The following KIT variants were observed in gnomAD, a reference collection of about 807,000 sequenced individuals.
KIT encodes KIT proto-oncogene, receptor tyrosine kinase.
A neutral mutation model predicts 105.7 loss-of-function variants in KIT; 16 were observed. The ratio of observed to expected loss-of-function variants is 0.15; its 90% CI spans 0.10 to 0.23. The LOEUF (loss-of-function observed/expected upper bound fraction) is 0.23, where lower values mean the gene tolerates loss of function less well. Ranked by LOEUF, KIT falls within the 10% of genes least tolerant of loss-of-function variation. The pLI, the probability that KIT is intolerant of heterozygous loss-of-function variation, is 1.00. For synonymous variants in KIT, 438 were observed against 441.1 expected, an observed-to-expected ratio of 0.99 and a Z score of 0.09; for missense variants, 858 against 1,213.8, an observed-to-expected ratio of 0.71 and a Z score of 4.36.
At chr4:54,664,654 C>T (rs952697166) in intron 1 of KIT, among the ~76,000 whole-genome samples, 3 of 151,822 alleles carry the variant, frequency 2.0e-5, no homozygotes, top group African/African-American at 7.3e-5. Flanking sequence ...TGTTGCCAGG[C>T]TGGAGTGCAG....
chr4:54,727,469 T>C lies in KIT; in HGVS notation c.1701T>C (p.Asn567=), dbSNP rs2109776590. ...WKVVEEINGN[N]YVYIDPTQLP... The stretch of plus-strand genomic sequence containing the variant: ...TTGTTGAGGAGATAAATGGAAACAA[T>C]TATGTTTACATAGACCCAACACAAC... The change falls in exon 11 of 21, where the codon AAT becomes AAC. Residue 567 remains asparagine, a synonymous_variant. Transcript: ENST00000288135. The C allele has an allele frequency of 1.2e-6, 2 of 1,613,970 alleles. No homozygotes were observed. Among genetic ancestry groups the C allele is most frequent in the Non-Finnish European group, 1.7e-6 (2 of 1,179,862 alleles).
chr4:54,721,076 G>A (rs894231490), intron 7 of KIT, among the ~76,000 whole-genome samples: 6 of 152,170 alleles, frequency 3.9e-5, no homozygotes, highest in Admixed American at 1.3e-4. Flanking sequence ...TGCTTACTGT[G>A]TGCCTGCTGT....
intron 11 of KIT, 58 bp downstream of exon 11, chr4:54,727,600 T>A (rs1722320643): frequency 6.2e-7 from 1 of 1,604,982 alleles, no homozygotes; most frequent in Non-Finnish European, 8.5e-7. Context: ...AACAGTGACT[T>A]TAAGGAACTC....
At chr4:54,695,962 G>T (rs1720036978) in intron 2 of KIT, 181 bp downstream of exon 2, 2 of 692,026 alleles carry the variant, frequency 2.9e-6, no homozygotes, top group East Asian at 2.7e-5. Context: ...TAGTGGCTTT[G>T]GGTATGGCCC....
At chr4:54,720,431 A>G (rs1721794637) in intron 7 of KIT, among the ~76,000 whole-genome samples, 4 of 152,362 alleles carry the variant, frequency 2.6e-5, no homozygotes, top group African/African-American at 9.6e-5. Context: ...AACTGCTACC[A>G]GGTGTCACGC....
intron 7 of KIT, 73 bp from the exon 8 acceptor site, chr4:54,723,511 A>T: frequency 1.1e-6 from 1 of 944,754 alleles, no homozygotes; most frequent in Non-Finnish European, 1.7e-6. Context: ...TGTAGGGATT[A>T]GAGAGGGAGT....
At chr4:54,705,004 A>T (rs1186439111) in intron 5 of KIT, among the ~76,000 whole-genome samples, 1 of 152,226 alleles carries the variant, frequency 6.6e-6, no homozygotes, top group Non-Finnish European at 1.5e-5. Flanking sequence ...AATTATAGTC[A>T]GCACACAGAA....
At chr4:54,727,180 G>A (rs1253696582) in intron 9 of KIT, 38 bp from the exon 10 acceptor site, 2 of 1,580,490 alleles carry the variant, frequency 1.3e-6, no homozygotes, top group East Asian at 2.2e-5. Flanking sequence ...ATCCCATCCT[G>A]CCAAAGTTTG....
intron 16 of KIT, 58 bp downstream of exon 16, chr4:54,732,056 T>G: frequency 6.6e-7 from 1 of 1,519,606 alleles, no homozygotes; most frequent in South Asian, 1.2e-5. Flanking sequence ...TTTTTTTTTT[T>G]TTTTTTTTTT....
At chr4:54,718,360 G>A (rs555328484) in intron 7 of KIT, among the ~76,000 whole-genome samples, 14 of 152,280 alleles carry the variant, frequency 9.2e-5, no homozygotes, top group Non-Finnish European at 1.9e-4. Context: ...GATTACAAGC[G>A]TGAGCCACTG....
rs1723052055 is a variant in KIT at position 54,738,445 on chromosome 4, C to G, written c.2819C>G (p.Ala940Gly). 6.2e-7 allele frequency: 1 copy of G among 1,614,064 alleles called. No homozygotes were observed. Among genetic ancestry groups the G allele is most frequent in the Non-Finnish European group, 8.5e-7 (1 of 1,179,990 alleles). ...ESTNHIYSNL[A>G]NCSPNRQKPV... ...TTTCTCCAGATTTACTCCAACTTAG[C>G]AAACTGCAGCCCCAACCGACAGAAG... Residue 940 changes from alanine to glycine, a missense_variant, in exon 21 of 21, where the codon GCA (alanine) becomes GGA (glycine). Transcript: ENST00000288135.
At position 54,668,587 on chromosome 4, in the gene KIT, A is replaced by G. The variant is rs373798085; in HGVS notation, c.67+10506A>G. Among the ~76,000 whole-genome samples, 8 of 152,318 alleles carry G rather than the reference A, an allele frequency of 5.3e-5. No individual in the cohort carries two copies. The East Asian group carries it at 1.2e-3, about 22-fold the overall frequency. On this transcript the variant is annotated intron_variant, in intron 1 of 20. Coordinates refer to ENST00000288135, the MANE Select transcript of KIT (RefSeq NM_000222.3). ...TAACAGAGTTAGAACAAAGGAGAGC[A>G]TTATCACAAAGAGCTCTGGAAGTTA...
intron 14 of KIT, 59 bp downstream of exon 14, chr4:54,729,544 G>C (rs2109787703): frequency 6.4e-7 from 1 of 1,553,840 alleles, no homozygotes; most frequent in Admixed American, 1.7e-5. Flanking sequence ...GGTCATAAGG[G>C]TTTGCAATCA....
intron 1 of KIT, among the ~76,000 whole-genome samples, chr4:54,690,047 C>CT (rs200043342): frequency 1.7e-5 from 2 of 114,706 alleles, no homozygotes; most frequent in Non-Finnish European, 1.7e-5. Flanking sequence ...TAGAATGTTA[C>CT]TTTTTTTTTG....
At chr4:54,728,362 C>T (rs1008311003) in intron 13 of KIT, among the ~76,000 whole-genome samples, 1 of 152,252 alleles carries the variant, frequency 6.6e-6, no homozygotes, top group Non-Finnish European at 1.5e-5. Context: ...GTAACATCAA[C>T]GACATCAGCC....
chr4:54,723,736 G>T (rs763826652), intron 8 of KIT, 38 bp downstream of exon 8: 1 of 1,121,144 alleles, frequency 8.9e-7, no homozygotes, highest in African/African-American at 1.5e-5. Flanking sequence ...ATAATGCAGA[G>T]GGGAAGGACT....
intron 9 of KIT, 50 bp downstream of exon 9, chr4:54,726,100 C>G (rs1183593175): frequency 7.0e-7 from 1 of 1,424,190 alleles, no homozygotes; most frequent in East Asian, 2.3e-5. Context: ...CTCTGTCTAC[C>G]ATATCAGTCA....
At chr4:54,696,783 A>G (rs1454972905) in intron 2 of KIT, among the ~76,000 whole-genome samples, 2 of 152,236 alleles carry the variant, frequency 1.3e-5, no homozygotes, top group Non-Finnish European at 2.9e-5. Context: ...CCGCTTTATC[A>G]GTTGTCCTTT....
rs763728676 is a variant in KIT at position 54,725,904 on chromosome 4, C to T, written c.1394C>T (p.Ser465Phe). The change falls in exon 9 of 21, where the codon TCT becomes TTT. Residue 465 changes from serine (S) to phenylalanine (F), a missense_variant. Coordinates refer to ENST00000288135, the MANE Select transcript of KIT (RefSeq NM_000222.3). ...GTGGATGTGCAGACACTAAACTCAT[C>T]TGGGCCACCGTTTGGAAAGCTAGTG... Reference protein sequence around the residue: ...LPVDVQTLNSSGPPFGKLVVQ... With the variant: ...LPVDVQTLNSFGPPFGKLVVQ... 1.2e-6 allele frequency: 2 copies of T among 1,614,132 alleles called. No homozygotes were observed. The highest frequency in any genetic ancestry group is 1.7e-6 in the Non-Finnish European group (2 of 1,180,020).
Sources: gnomAD v4.1 joint callset for allele counts (sites outside exome capture counted in the v4.1 genomes callset) on GRCh38, gnomAD v4.1.1 for gene constraint, MANE v1.5 for transcripts, NCBI Gene and HGNC (gene_info 2026-07-23, HGNC 2026-07-21) for gene names.